The following VAT1L variants were observed in gnomAD, a reference collection of about 807,000 sequenced individuals.
VAT1L encodes vesicle amine transport 1 like, also known as putative NADPH-dependent quinone oxidoreductase VAT1L.
Under a neutral mutation model 44.1 loss-of-function variants are expected in VAT1L, and 34 were observed. The ratio of observed to expected loss-of-function variants is 0.77; its 90% CI spans 0.59 to 1.03. VAT1L has a LOEUF of 1.03. VAT1L is among the 50% of genes least tolerant of loss of function. VAT1L has a pLI of 0.00. For synonymous variants in VAT1L, 253 were observed against 202.2 expected, an observed-to-expected ratio of 1.25 and a Z score of -2.13; for missense variants, 615 against 538.8, an observed-to-expected ratio of 1.14 and a Z score of -1.40.
At chr16:77,897,263 G>A (rs747920594) in intron 7 of VAT1L, among the ~76,000 whole-genome samples, 1 of 152,150 alleles carries the variant, frequency 6.6e-6, no homozygotes. Context: ...ACTTCGGTCT[G>A]AGCATCAGTT....
rs1008685231 is a variant in VAT1L at position 77,805,938 on chromosome 16, C to T, written c.234-10983C>T. Among the ~76,000 whole-genome samples, 10 of 138,562 alleles carry T rather than the reference C, an allele frequency of 7.2e-5. No individual in the cohort carries two copies. In the Admixed American group the frequency reaches 7.9e-4, roughly 11 times the overall value. 90.9% of individuals were successfully genotyped at this position (138,562 alleles called of 152,430 possible). On this transcript the variant is annotated intron_variant, in intron 1 of 8. Coordinates refer to ENST00000302536, the MANE Select transcript of VAT1L (RefSeq NM_020927.3). ...AGAGCAATGGTGAGATCTCAGATCA[C>T]TGCAACCACCACCTCCAGGGTTCAA...
chr16:77,938,432 T>G (rs1325894778), intron 7 of VAT1L, among the ~76,000 whole-genome samples: 1 of 152,218 alleles, frequency 6.6e-6, no homozygotes, highest in African/African-American at 2.4e-5. Flanking sequence ...CCTCATCAAA[T>G]CTCATGTTGA....
intron 3 of VAT1L, among the ~76,000 whole-genome samples, chr16:77,826,823 G>C (rs1453268210): frequency 6.6e-6 from 1 of 152,128 alleles, no homozygotes; most frequent in African/African-American, 2.4e-5. Flanking sequence ...TATCTTAGAG[G>C]TTTTGAGAGG....
chr16:77,797,073 C>T (rs1304567431), intron 1 of VAT1L, among the ~76,000 whole-genome samples: 1 of 151,750 alleles, frequency 6.6e-6, no homozygotes, highest in Non-Finnish European at 1.5e-5. Flanking sequence ...TTCACCATTA[C>T]ATAGTATATC....
intron 7 of VAT1L, among the ~76,000 whole-genome samples, chr16:77,969,838 A>G (rs1180242182): frequency 6.6e-6 from 1 of 152,080 alleles, no homozygotes; most frequent in Non-Finnish European, 1.5e-5. Context: ...TTTGAAAAGC[A>G]GAGCTCACTA....
chr16:77,885,285 T>A (rs186862357), intron 7 of VAT1L, among the ~76,000 whole-genome samples: 16 of 152,312 alleles, frequency 1.1e-4, no homozygotes, highest in Admixed American at 1.0e-3. Flanking sequence ...AAAGTTGGAT[T>A]GAGTCTTTTT....
chr16:77,858,495 T>G (rs16946707), intron 3 of VAT1L, among the ~76,000 whole-genome samples: 5,233 of 152,276 alleles, frequency 0.034, 261 homozygotes, highest in African/African-American at 0.11. Context: ...CATTGATTGT[T>G]CTAGGCACTT....
intron 3 of VAT1L, among the ~76,000 whole-genome samples, chr16:77,842,284 A>T (rs1045397929): frequency 6.6e-6 from 1 of 152,170 alleles, no homozygotes; most frequent in Non-Finnish European, 1.5e-5. Flanking sequence ...CATTGGAAAC[A>T]CACTCCTGTA....
chr16:77,956,725 G>C (rs1052240491), intron 7 of VAT1L, among the ~76,000 whole-genome samples: 3 of 152,192 alleles, frequency 2.0e-5, no homozygotes, highest in Non-Finnish European at 4.4e-5. Context: ...TTTAGACAAA[G>C]TGGGGGAGAA....
At chr16:77,948,292 C>T (rs1251220534) in intron 7 of VAT1L, among the ~76,000 whole-genome samples, 2 of 152,160 alleles carry the variant, frequency 1.3e-5, no homozygotes, top group Admixed American at 6.6e-5. Context: ...GTTATTACCC[C>T]ACAAACACAG....
At position 77,788,884 on chromosome 16, in the gene VAT1L, G is replaced by A; in HGVS notation, c.202G>A (p.Asp68Asn). The stretch of plus-strand genomic sequence containing the variant: ...CAGGAAGGCCATGCCCGAGCCTCAG[G>A]ACGGCGAGCTCAAGATCCGCGTCAA... ...LFRKAMPEPQ[D>N]GELKIRVKAC... The change falls in exon 1 of 9, where the codon GAC becomes AAC. Residue 68 changes from aspartate to asparagine, a missense_variant. Physicochemically the swap from Asp to Asn is conservative, Grantham distance 23 (BLOSUM62 1). Transcript: ENST00000302536. 1.3e-6 allele frequency: 2 copies of A among 1,550,114 alleles called. No individual in the cohort carries two copies. The highest frequency in any genetic ancestry group is 1.2e-5 in the South Asian group (1 of 82,416).
rs66461822 is a variant in VAT1L, at chr16:77,946,279, C to CTTTTTTTTTTTTTTTTTTTT, written c.1078-25568_1078-25549dup. On this transcript the variant is annotated intron_variant, in intron 7 of 8. Transcript: ENST00000302536. ...GTTCTGGACATCTAGGTTACTTGTT[C>CTTTTTTTTTTTTTTTTTTTT]TTTTTTTTTTTTTTTTTTTTTTGAG... Among the ~76,000 whole-genome samples the CTTTTTTTTTTTTTTTTTTTT allele has an allele frequency of 4.0e-3, 284 of 70,412 alleles. 93 individuals are homozygous for CTTTTTTTTTTTTTTTTTTTT. The highest frequency in any genetic ancestry group is 6.7e-3 in the East Asian group (11 of 1,630). 46.2% of individuals were successfully genotyped at this position (70,412 alleles called of 152,430 possible).
chr16:77,937,541 C>T (rs553141581), intron 7 of VAT1L, among the ~76,000 whole-genome samples: 1 of 152,230 alleles, frequency 6.6e-6, no homozygotes, highest in South Asian at 2.1e-4. Context: ...ACTATTTGCT[C>T]TTTCTGGCTG....
At chr16:77,957,257 T>C (rs2018113595) in intron 7 of VAT1L, among the ~76,000 whole-genome samples, 1 of 152,188 alleles carries the variant, frequency 6.6e-6, no homozygotes, top group South Asian at 2.1e-4. Flanking sequence ...GTGAAAACCT[T>C]CAGACATTAT....
chr16:77,855,080 G>A (rs1219749571), intron 3 of VAT1L, among the ~76,000 whole-genome samples: 1 of 152,114 alleles, frequency 6.6e-6, no homozygotes, highest in African/African-American at 2.4e-5. Flanking sequence ...GCTGTTTCAC[G>A]CCTGTAATCC....
intron 7 of VAT1L, among the ~76,000 whole-genome samples, chr16:77,951,439 G>A (rs984487802): frequency 3.9e-5 from 6 of 152,124 alleles, no homozygotes; most frequent in Admixed American, 1.3e-4. Flanking sequence ...CCAGCTACTC[G>A]GGAGGCTGAA....
chr16:77,867,394 AT>A (rs1232571283), intron 4 of VAT1L, among the ~76,000 whole-genome samples: 1 of 152,232 alleles, frequency 6.6e-6, no homozygotes, highest in East Asian at 1.9e-4. Context: ...CTTTAAAAAA[AT>A]CAAACAACAT....
intron 7 of VAT1L, chr16:77,892,520 G>T (rs1279625209): frequency 7.1e-6 from 4 of 565,966 alleles, no homozygotes; most frequent in Admixed American, 1.9e-5. Flanking sequence ...AAAGACAGCA[G>T]AAAAATTTCG....
chr16:77,887,121 C>T lies in VAT1L; in HGVS notation c.1077+2319C>T, dbSNP rs371284905. ...GCTGGAACATGAAAGAGGCAAGAAA[C>T]TAAAGGGAGAGAATTCAACACAAGG... On this transcript the variant is annotated intron_variant, in intron 7 of 8. Transcript: ENST00000302536. Among the ~76,000 whole-genome samples, 167 of 152,140 alleles carry T rather than the reference C, an allele frequency of 1.1e-3. 5 individuals are homozygous for T. In the South Asian group the frequency reaches 0.034, roughly 31 times the overall value.
Sources: allele counts gnomAD v4.1 joint callset (sites outside exome capture counted in the v4.1 genomes callset), GRCh38; gene constraint gnomAD v4.1.1; transcripts MANE v1.5; gene names NCBI Gene and HGNC (gene_info 2026-07-23, HGNC 2026-07-21).